Variants in AFAP1L2 observed in about 807,000 individuals in gnomAD.
AFAP1L2 encodes actin filament associated protein 1 like 2, also known as actin filament-associated protein 1-like 2.
Under a neutral mutation model 99.3 loss-of-function variants are expected in AFAP1L2, and 46 were observed. The observed-to-expected ratio is 0.46, with a 90% CI of 0.37 to 0.59. AFAP1L2 has a LOEUF of 0.59. Ranked by LOEUF, AFAP1L2 falls within the 20% of genes least tolerant of loss-of-function variation. The pLI, the probability that AFAP1L2 is intolerant of heterozygous loss-of-function variation, is 0.00. For missense variants in AFAP1L2, 959 were observed against 1,034.9 expected (o/e 0.93, Z 1.01); for synonymous variants, 397 against 419.1 (o/e 0.95, Z 0.64).
At chr10:114,311,458 G>A (rs769530450) in intron 7 of AFAP1L2, among the ~76,000 whole-genome samples, 1 of 152,234 alleles carries the variant, frequency 6.6e-6, no homozygotes, top group South Asian at 2.1e-4. Flanking sequence ...TCGGGACTGT[G>A]GTCCACACTG....
intron 1 of AFAP1L2, among the ~76,000 whole-genome samples, chr10:114,382,737 A>G (rs2055859066): frequency 6.6e-6 from 1 of 151,874 alleles, no homozygotes; most frequent in African/African-American, 2.4e-5. Context: ...CTGGGATTAC[A>G]GGCATGTGCC....
Position 114,327,171 on chromosome 10 carries a change from A to G in AFAP1L2, c.316-3910T>C, listed in dbSNP as rs1438203116. 8.8e-5 allele frequency among the ~76,000 whole-genome samples: 6 copies of G among 68,304 alleles called. 1 individual carries two copies. The highest frequency in any genetic ancestry group is 1.9e-4 in the African/African-American group (4 of 20,604). 44.8% of individuals were successfully genotyped at this position (68,304 alleles called of 152,430 possible). A position where few individuals can be genotyped will look rare whatever the true frequency, so the allele number is the denominator to read the frequency against. On this transcript the variant is annotated intron_variant, in intron 4 of 18. Transcript: ENST00000304129. ...TTTATATATATATATATATATATAT[A>G]TATTTTTTTTTTAGGCAGAGTCTCA... is the stretch of plus-strand genomic sequence containing the variant.
chr10:114,328,826 G>A (rs896950489), intron 4 of AFAP1L2, among the ~76,000 whole-genome samples: 2 of 152,218 alleles, frequency 1.3e-5, no homozygotes, highest in African/African-American at 4.8e-5. Flanking sequence ...GCTCATGTGT[G>A]TGGGCAAGGA....
intron 1 of AFAP1L2, among the ~76,000 whole-genome samples, chr10:114,369,239 T>C (rs920720154): frequency 3.3e-5 from 5 of 152,094 alleles, no homozygotes; most frequent in Non-Finnish European, 1.5e-5. Context: ...GTGGGAAACA[T>C]TGAAGCCAGG....
At chr10:114,352,496 A>AAAAAAAC (rs1262832093) in intron 1 of AFAP1L2, among the ~76,000 whole-genome samples, 4 of 151,008 alleles carry the variant, frequency 2.6e-5, no homozygotes, top group African/African-American at 9.7e-5. Context: ...AAAAAAAAAA[A>AAAAAAAC]AAAGCAACCG....
chr10:114,369,560 A>G (rs892977384), intron 1 of AFAP1L2, among the ~76,000 whole-genome samples: 3 of 147,414 alleles, frequency 2.0e-5, no homozygotes, highest in African/African-American at 7.7e-5. Flanking sequence ...GTGCCACTGC[A>G]GTCCAGCCTG....
chr10:114,356,952 C>T (rs904606196), intron 1 of AFAP1L2, among the ~76,000 whole-genome samples: 1 of 152,192 alleles, frequency 6.6e-6, no homozygotes, highest in Non-Finnish European at 1.5e-5. Flanking sequence ...GTGGTTACTC[C>T]GTGCAGGCTG....
At chr10:114,358,180 G>A (rs1302619349) in intron 1 of AFAP1L2, among the ~76,000 whole-genome samples, 2 of 151,968 alleles carry the variant, frequency 1.3e-5, no homozygotes, top group South Asian at 2.1e-4. Flanking sequence ...CTCTAAATTC[G>A]GCAACAAGGA....
At chr10:114,289,200 C>T in the AFAP1L2 span, 22 of 1,613,420 alleles carry the variant, frequency 1.4e-5, no homozygotes, top group Non-Finnish European at 1.7e-5. Flanking sequence ...GCTCAGCCGG[C>T]ACCGCCCTGC....
intron 2 of AFAP1L2, among the ~76,000 whole-genome samples, chr10:114,335,391 T>C (rs1323134343): frequency 6.6e-6 from 1 of 151,970 alleles, no homozygotes; most frequent in African/African-American, 2.4e-5. Context: ...GGTGGGCGGA[T>C]CACGAGGTCA....
chr10:114,357,421 G>C (rs1323109939), intron 1 of AFAP1L2, among the ~76,000 whole-genome samples: 1 of 152,086 alleles, frequency 6.6e-6, no homozygotes, highest in Admixed American at 6.6e-5. Context: ...TTGAAGCCAG[G>C]CTTTAACAAG....
intron 6 of AFAP1L2, 129 bp from the exon 7 acceptor site, chr10:114,314,179 G>A: frequency 1.2e-6 from 1 of 854,120 alleles, no homozygotes; most frequent in Non-Finnish European, 1.8e-6. Context: ...AGACTAAGAG[G>A]CTGGACACCC....
At chr10:114,394,585 GGA>G (rs1240483248) in intron 1 of AFAP1L2, among the ~76,000 whole-genome samples, 1 of 152,118 alleles carries the variant, frequency 6.6e-6, no homozygotes, top group Non-Finnish European at 1.5e-5. Context: ...TGAAAAAGTG[GGA>G]GAAAGTCAAG....
the AFAP1L2 span, among the ~76,000 whole-genome samples, chr10:114,284,170 C>T: frequency 5.9e-5 from 9 of 152,244 alleles, no homozygotes; most frequent in African/African-American, 1.7e-4. Flanking sequence ...TTGACACAGG[C>T]TGTGGTTTCC....
chr10:114,290,068 C>T, downstream of AFAP1L2: 2 of 712,002 alleles, frequency 2.8e-6, no homozygotes, highest in East Asian at 5.9e-5. Context: ...TGTAGGAGAG[C>T]TGGGTCTTAC....
At chr10:114,331,316 G>C (rs1268550228) in intron 4 of AFAP1L2, among the ~76,000 whole-genome samples, 1 of 152,168 alleles carries the variant, frequency 6.6e-6, no homozygotes. Context: ...ATGGGGTCTT[G>C]CTATGTTGCT....
In AFAP1L2 at chr10:114,367,829, C is replaced by T. The variant is rs369783624; in HGVS notation, c.17-27098G>A. On this transcript the variant is annotated intron_variant, in intron 1 of 18. Transcript: ENST00000304129. ...GCAGCCGCTGATGGCTATGGGAAGG[C>T]GCACACAAATTTAATTTAATACAAA... Among the ~76,000 whole-genome samples the T allele has an allele frequency of 1.4e-4, 21 of 152,318 alleles. No homozygotes were observed. In the East Asian group the frequency reaches 2.5e-3, roughly 18 times the overall value.
chr10:114,336,131 C>T (rs1418179137), intron 2 of AFAP1L2, among the ~76,000 whole-genome samples: 2 of 152,204 alleles, frequency 1.3e-5, no homozygotes, highest in Non-Finnish European at 1.5e-5. Context: ...CGGCCCACCT[C>T]GGGTGGGCTG....
At chr10:114,282,332 T>C in the AFAP1L2 span, among the ~76,000 whole-genome samples, 1 of 152,176 alleles carries the variant, frequency 6.6e-6, no homozygotes, top group Non-Finnish European at 1.5e-5. Flanking sequence ...CTGGATAGTT[T>C]GAAACATTCC....
Sources: gnomAD v4.1 joint callset for allele counts (sites outside exome capture counted in the v4.1 genomes callset) on GRCh38, gnomAD v4.1.1 for gene constraint, MANE v1.5 for transcripts, NCBI Gene and HGNC (gene_info 2026-07-23, HGNC 2026-07-21) for gene names.